The following MBNL2 variants were observed in gnomAD, a reference collection of about 807,000 sequenced individuals.
MBNL2 encodes muscleblind-like protein 2.
A neutral mutation model predicts 41.9 loss-of-function variants in MBNL2; 17 were observed. That is an observed-to-expected ratio of 0.41 (90% confidence interval 0.28 to 0.61). The LOEUF is 0.61. MBNL2 is among the 20% of genes least tolerant of loss of function. MBNL2 has a pLI of 0.35. For missense variants in MBNL2, 336 were observed against 505.6 expected (o/e 0.66, Z 3.22); for synonymous variants, 195 against 182.9 (o/e 1.07, Z -0.53).
the MBNL2 span, among the ~76,000 whole-genome samples, chr13:97,209,207 T>A: frequency 6.6e-6 from 1 of 152,248 alleles, no homozygotes; most frequent in African/African-American, 2.4e-5. Context: ...CCCATTATTA[T>A]TTTCTTCTAT....
At chr13:97,259,907 C>T (rs1190867129) in intron 1 of MBNL2, among the ~76,000 whole-genome samples, 4 of 152,182 alleles carry the variant, frequency 2.6e-5, no homozygotes, top group African/African-American at 9.7e-5. Context: ...CATTCATTCA[C>T]TTGCTCACTC....
chr13:97,353,957 T>C (rs1324193953), intron 5 of MBNL2, among the ~76,000 whole-genome samples: 1 of 151,404 alleles, frequency 6.6e-6, no homozygotes, highest in East Asian at 1.9e-4. Context: ...TTCTGACCCC[T>C]CAGATCTGGT....
the MBNL2 span, among the ~76,000 whole-genome samples, chr13:97,201,107 ACTT>A: frequency 4.6e-5 from 7 of 152,212 alleles, no homozygotes; most frequent in South Asian, 2.1e-4. Context: ...TTCGAAAGCC[ACTT>A]CTTCTTTGGA....
At chr13:97,280,560 A>G (rs1239215715) in intron 2 of MBNL2, among the ~76,000 whole-genome samples, 1 of 152,228 alleles carries the variant, frequency 6.6e-6, no homozygotes, top group Non-Finnish European at 1.5e-5. Context: ...AGATGATGTC[A>G]CTGCTCTGTT....
Position 97,347,341 on chromosome 13 carries a change from G to A in MBNL2, c.804+274G>A, listed in dbSNP as rs7333416. Among the ~76,000 whole-genome samples, 589 of 152,324 alleles carry A rather than the reference G, an allele frequency of 3.9e-3. 5 individuals are homozygous for A. Among genetic ancestry groups the A allele is most frequent in the African/African-American group, 0.013 (558 of 41,568 alleles). On this transcript the variant is annotated intron_variant, in intron 5 of 8. Coordinates refer to ENST00000679496, the MANE Select transcript of MBNL2 (RefSeq NM_001382683.1). ...CCCCTCCTAGGGTGGCGGAGATTGAGTGTGCTCACTTAGGGTCTTTTTAAG... is the reference window on the plus strand; with the variant it reads ...CCCCTCCTAGGGTGGCGGAGATTGAATGTGCTCACTTAGGGTCTTTTTAAG...
intron 1 of MBNL2, among the ~76,000 whole-genome samples, chr13:97,246,266 A>G (rs959439297): frequency 4.2e-5 from 6 of 143,756 alleles, no homozygotes; most frequent in African/African-American, 1.7e-4. Context: ...ACTGTTGGCT[A>G]CTGTTATTTC....
chr13:97,239,539 T>C (rs2043884643), intron 1 of MBNL2, among the ~76,000 whole-genome samples: 1 of 152,186 alleles, frequency 6.6e-6, no homozygotes, highest in African/African-American at 2.4e-5. Flanking sequence ...GAATGCATTT[T>C]CCCCCTGGGA....
At chr13:97,212,830 A>C in the MBNL2 span, among the ~76,000 whole-genome samples, 1 of 152,196 alleles carries the variant, frequency 6.6e-6, no homozygotes, top group Non-Finnish European at 1.5e-5. Context: ...TGATGGAGGA[A>C]AGAGATGAGT....
At chr13:97,221,160 A>C (rs1407503866), upstream of MBNL2, among the ~76,000 whole-genome samples, 1 of 152,206 alleles carries the variant, frequency 6.6e-6, no homozygotes, top group Non-Finnish European at 1.5e-5. Flanking sequence ...AGATGCGCTG[A>C]ACAGTTGCTT....
In MBNL2 at chr13:97,334,153, CA is replaced by C. The variant is rs756167116; in HGVS notation, c.175-122del. On this transcript the variant is annotated intron_variant, in intron 2 of 8. Transcript: ENST00000679496. The surrounding 1 kb of genome is among the most constrained non-coding windows in gnomAD (Gnocchi z 5.3). ...ATGAGCATGCGCGCGCACACCCACA[CA>C]CACACACACACACACACACACAGGA... The C allele has an allele frequency of 1.3e-3, 906 of 676,058 alleles. No homozygotes were observed. The highest frequency in any genetic ancestry group is 1.9e-3 in the Non-Finnish European group (752 of 403,900). The allele number at this position is 676,058 out of a possible 1,614,324, so 41.9% of individuals were successfully genotyped here.
intron 1 of MBNL2, among the ~76,000 whole-genome samples, chr13:97,246,513 C>T (rs1482742865): frequency 4.6e-5 from 7 of 152,120 alleles, no homozygotes; most frequent in African/African-American, 7.2e-5. Context: ...ATCTGAATAT[C>T]GTCCTGACAT....
At chr13:97,180,740 TAAAAA>T in the MBNL2 span, among the ~76,000 whole-genome samples, 2 of 86,004 alleles carry the variant, frequency 2.3e-5, no homozygotes, top group African/African-American at 4.6e-5. Flanking sequence ...AGACTCCATC[TAAAAA>T]AAAAAAAAAA....
the MBNL2 span, among the ~76,000 whole-genome samples, chr13:97,201,627 G>T: frequency 1.3e-5 from 2 of 151,958 alleles, no homozygotes; most frequent in Non-Finnish European, 2.9e-5. Context: ...TAATTTTTTG[G>T]AGCTTTATCA....
chr13:97,360,083 G>A (rs1163050626), intron 7 of MBNL2, among the ~76,000 whole-genome samples: 2 of 152,050 alleles, frequency 1.3e-5, no homozygotes, highest in East Asian at 1.9e-4. Context: ...AAGTGAAGAT[G>A]TTCAAAAATA....
At chr13:97,253,721 ACTT>A (rs1355995269) in intron 1 of MBNL2, among the ~76,000 whole-genome samples, 1 of 152,156 alleles carries the variant, frequency 6.6e-6, no homozygotes, top group Non-Finnish European at 1.5e-5. Context: ...AATACACAAA[ACTT>A]CTCATTTGAG....
chr13:97,207,942 G>A, the MBNL2 span, among the ~76,000 whole-genome samples: 4 of 152,214 alleles, frequency 2.6e-5, no homozygotes, highest in East Asian at 1.9e-4. Flanking sequence ...CAGCAGGGTA[G>A]TCAAATCTTA....
At chr13:97,185,692 C>T in the MBNL2 span, among the ~76,000 whole-genome samples, 11 of 152,322 alleles carry the variant, frequency 7.2e-5, no homozygotes, top group South Asian at 2.3e-3. Flanking sequence ...CTAGAATCTC[C>T]AGCAGGGACA....
At chr13:97,164,590 A>G in the MBNL2 span, among the ~76,000 whole-genome samples, 1 of 152,316 alleles carries the variant, frequency 6.6e-6, no homozygotes, top group Non-Finnish European at 1.5e-5. Context: ...GGTACCATGT[A>G]AATATCACTA....
At chr13:97,239,353 A>G (rs1282161090) in intron 1 of MBNL2, among the ~76,000 whole-genome samples, 3 of 152,232 alleles carry the variant, frequency 2.0e-5, no homozygotes, top group Non-Finnish European at 4.4e-5. Context: ...CCAATGTCTG[A>G]TAAGTAGTAG....
Sources: gnomAD v4.1 joint callset for allele counts (sites outside exome capture counted in the v4.1 genomes callset) on GRCh38, gnomAD v4.1.1 for gene constraint, Gnocchi (gnomAD v3.1) non-coding constraint, MANE v1.5 for transcripts, NCBI Gene and HGNC (gene_info 2026-07-23, HGNC 2026-07-21) for gene names.